The following HTR5A variants were observed in gnomAD, a reference collection of about 807,000 sequenced individuals.
HTR5A encodes 5-HT-5.
HTR5A carries 21 observed loss-of-function variants against 24.3 expected under a neutral mutation model. That is an observed-to-expected ratio of 0.86 (90% CI 0.61 to 1.24). HTR5A has a LOEUF of 1.24. Among genes scored for constraint, HTR5A ranks in the 50% most tolerant of loss-of-function variants. The pLI is 0.00. For synonymous variants in HTR5A, 260 were observed against 213.7 expected (o/e 1.22, Z -1.89); for missense variants, 497 against 489.5 (o/e 1.02, Z -0.15).
In HTR5A at chr7:155,071,222, A is replaced by G; in HGVS notation, c.323A>G (p.Gln108Arg). Reference sequence around the variant, plus strand: ...CACGAGCTGTCCGGGCGCCGCTGGCAGCTAGGTCGGAGGCTGTGCCAGCTT... The same window carrying G: ...CACGAGCTGTCCGGGCGCCGCTGGCGGCTAGGTCGGAGGCTGTGCCAGCTT... ...LVHELSGRRW[Q>R]LGRRLCQLWI... Residue 108 changes from glutamine (Q) to arginine (R), a missense_variant, in exon 1 of 2, where the codon CAG becomes CGG. Physicochemically the swap from Gln to Arg is conservative, Grantham distance 43. Coordinates refer to ENST00000287907, the MANE Select transcript of HTR5A (RefSeq NM_024012.4). 6.2e-7 allele frequency: 1 copy of G among 1,603,642 alleles called. No homozygotes were observed. The highest frequency in any genetic ancestry group is 2.2e-5 in the East Asian group (1 of 44,876).
chr7:155,079,021 C>T (rs920349401), intron 1 of HTR5A, among the ~76,000 whole-genome samples: 1 of 151,714 alleles, frequency 6.6e-6, no homozygotes. Flanking sequence ...AGTGGCACAA[C>T]CGTAGCTCAC....
Position 155,070,331 on chromosome 7 carries a change from G to T in HTR5A, c.-569G>T, listed in dbSNP as rs1379269215. 2 of 274,852 alleles carry T rather than the reference G, an allele frequency of 7.3e-6. No individual in the cohort carries two copies. The highest frequency in any genetic ancestry group is 7.9e-5 in the African/African-American group (2 of 25,314). 17.0% of individuals were successfully genotyped at this position (274,852 alleles called of 1,614,324 possible). On this transcript the variant is annotated 5_prime_UTR_variant, in exon 1 of 2. Coordinates refer to ENST00000287907, the MANE Select transcript of HTR5A (RefSeq NM_024012.4). ...GGTCTCGGTGGGCGCGCCAGCATTCGCTCTCCGGAGCTGCAGCCTCCGAAG... is the reference window on the plus strand; with the variant it reads ...GGTCTCGGTGGGCGCGCCAGCATTCTCTCTCCGGAGCTGCAGCCTCCGAAG...
At position 155,084,894 on chromosome 7, in the gene HTR5A, A is replaced by G. The variant is rs1795459238; in HGVS notation, c.*407A>G. 1.1e-5 allele frequency: 2 copies of G among 177,856 alleles called. No homozygotes were observed. The highest frequency in any genetic ancestry group is 4.8e-5 in the African/African-American group (2 of 41,844). The allele number at this position is 177,856 out of a possible 1,614,324, so 11.0% of individuals were successfully genotyped here. A position where few individuals can be genotyped will look rare whatever the true frequency, so the allele number is the denominator to read the frequency against. On this transcript the variant is annotated 3_prime_UTR_variant, in exon 2 of 2. Transcript: ENST00000287907. ...GAACAAGTCATGATGTAGACCTCTG[A>G]GGGTAGGAGACCATAGTTCCAGGCT...
intron 1 of HTR5A, chr7:155,077,143 G>A (rs1795366969): frequency 6.6e-6 from 1 of 152,194 alleles, no homozygotes. Flanking sequence ...ATTACATGCA[G>A]TGTAGGCATT....
chr7:155,083,224 T>G (rs1795437069), intron 1 of HTR5A, among the ~76,000 whole-genome samples: 1 of 152,244 alleles, frequency 6.6e-6, no homozygotes, highest in African/African-American at 2.4e-5. Context: ...ATTTTTTAAA[T>G]GTACTAGAGT....
intron 1 of HTR5A, among the ~76,000 whole-genome samples, chr7:155,080,169 A>G (rs75319124): frequency 0.013 from 2,030 of 152,360 alleles, 40 homozygotes; most frequent in African/African-American, 0.041. Flanking sequence ...GCAAGAGGCC[A>G]TAGGATAAGT....
intron 1 of HTR5A, among the ~76,000 whole-genome samples, chr7:155,073,877 G>GTATATATATGTATGTGTGTA (rs1563419508): frequency 1.2e-4 from 1 of 8,008 alleles, no homozygotes; most frequent in Non-Finnish European, 9.9e-4. Context: ...ATATATATAT[G>GTATATATATGTATGTGTGTA]TATATATATA....
chr7:155,073,863 GTGTATATATATA>G (rs1376848885), intron 1 of HTR5A, among the ~76,000 whole-genome samples: 1 of 68,102 alleles, frequency 1.5e-5, no homozygotes, highest in African/African-American at 5.3e-5. Flanking sequence ...ATGTGTGTGT[GTGTATATATATA>G]TGTATATATA....
At position 155,079,920 on chromosome 7, in the gene HTR5A, C is replaced by T. The variant is rs117395722; in HGVS notation, c.742-4235C>T. 2.2e-3 allele frequency among the ~76,000 whole-genome samples: 335 copies of T among 152,320 alleles called. 1 individual carries two copies. The highest frequency in any genetic ancestry group is 6.8e-3 in the Middle Eastern group (2 of 294). Reference sequence around the variant, plus strand: ...TCGACAAGTCAGGAATGCCCTCATACGAGCTTTGTAGGGGACCCCAAGCAA... The same window carrying T: ...TCGACAAGTCAGGAATGCCCTCATATGAGCTTTGTAGGGGACCCCAAGCAA... On this transcript the variant is annotated intron_variant, in intron 1 of 1. Transcript: ENST00000287907.
chr7:155,079,452 C>T lies in HTR5A; in HGVS notation c.742-4703C>T, dbSNP rs145959965. 3.8e-3 allele frequency among the ~76,000 whole-genome samples: 576 copies of T among 152,280 alleles called. 4 individuals carry two copies. Among genetic ancestry groups the T allele is most frequent in the African/African-American group, 0.013 (542 of 41,546 alleles). ...AAAGAGGATAGGTTTGGGAAGGTTA[C>T]AAAATCTTTGAGACTATCTTAGTTA... On this transcript the variant is annotated intron_variant, in intron 1 of 1. Transcript: ENST00000287907.
intron 1 of HTR5A, among the ~76,000 whole-genome samples, chr7:155,072,075 A>G (rs539792832): frequency 5.9e-5 from 9 of 152,204 alleles, no homozygotes; most frequent in Non-Finnish European, 1.0e-4. Context: ...GGATGGGAGC[A>G]TGATTTGATA....
At chr7:155,075,143 C>A (rs79736486) in intron 1 of HTR5A, among the ~76,000 whole-genome samples, 1 of 152,052 alleles carries the variant, frequency 6.6e-6, no homozygotes, top group African/African-American at 2.4e-5. Context: ...AAACTTGTTC[C>A]GGGCTAAAGA....
At chr7:155,081,842 T>A (rs1046373450) in intron 1 of HTR5A, among the ~76,000 whole-genome samples, 1 of 152,346 alleles carries the variant, frequency 6.6e-6, no homozygotes, top group Middle Eastern at 3.4e-3. Flanking sequence ...AGGGGTACCA[T>A]TTTAAATCAG....
chr7:155,076,960 A>G (rs1795365199), intron 1 of HTR5A, among the ~76,000 whole-genome samples: 1 of 152,114 alleles, frequency 6.6e-6, no homozygotes, highest in South Asian at 2.1e-4. Flanking sequence ...ACCTTAATCC[A>G]CCCAGAGCAT....
intron 1 of HTR5A, among the ~76,000 whole-genome samples, chr7:155,082,733 A>G (rs1795431889): frequency 6.6e-6 from 1 of 152,188 alleles, no homozygotes; most frequent in African/African-American, 2.4e-5. Context: ...TCTTTCCTTT[A>G]TGCTGAAAAA....
intron 1 of HTR5A, among the ~76,000 whole-genome samples, chr7:155,072,789 C>T (rs907282197): frequency 1.3e-5 from 2 of 152,016 alleles, no homozygotes; most frequent in Non-Finnish European, 2.9e-5. Context: ...AGACATCCAC[C>T]CTGAGCTCTG....
At chr7:155,074,984 G>A (rs1439749909) in intron 1 of HTR5A, among the ~76,000 whole-genome samples, 3 of 152,160 alleles carry the variant, frequency 2.0e-5, no homozygotes, top group Admixed American at 2.0e-4. Context: ...CTAATGGTAG[G>A]TCTCTTAATC....
At position 155,071,094 on chromosome 7, in the gene HTR5A, C is replaced by A; in HGVS notation, c.195C>A (p.Ile65=). ...GGAACCTGCTGGTGCTGGCGACCAT[C>A]CTCCGTGTACGCACCTTCCACCGCG... is the stretch of plus-strand genomic sequence containing the variant. ...FAWNLLVLAT[I]LRVRTFHRVP... is the part of the protein sequence containing the mutation. The change falls in exon 1 of 2, where the codon ATC becomes ATA. Residue 65 remains isoleucine, a synonymous_variant. Transcript: ENST00000287907. 1 of 1,607,524 alleles carries A rather than the reference C, an allele frequency of 6.2e-7. No homozygotes were observed. Among genetic ancestry groups the A allele is most frequent in the Non-Finnish European group, 8.5e-7 (1 of 1,179,992 alleles).
At chr7:155,073,863 G>GTATATATATA (rs58094908) in intron 1 of HTR5A, among the ~76,000 whole-genome samples, 15 of 68,120 alleles carry the variant, frequency 2.2e-4, no homozygotes, top group African/African-American at 7.9e-4. Flanking sequence ...ATGTGTGTGT[G>GTATATATATA]TGTATATATA....
Sources: allele counts gnomAD v4.1 joint callset (sites outside exome capture counted in the v4.1 genomes callset), GRCh38; gene constraint gnomAD v4.1.1; transcripts MANE v1.5; gene names NCBI Gene and HGNC (gene_info 2026-07-23, HGNC 2026-07-21).